Variants in SNX29 observed in about 807,000 individuals in gnomAD.
SNX29 encodes the protein sorting nexin 29.
SNX29 carries 78 observed loss-of-function variants against 102.1 expected under a neutral mutation model. That is an observed-to-expected ratio of 0.76 (90% confidence interval 0.64 to 0.92). The LOEUF is 0.92. SNX29 is among the 40% of genes least tolerant of loss of function. The pLI is 0.00. For synonymous variants in SNX29, 580 were observed against 414.5 expected, an observed-to-expected ratio of 1.40 and a Z score of -4.85; for missense variants, 1,280 against 1,061.7, an observed-to-expected ratio of 1.21 and a Z score of -2.86.
chr16:12,461,978 AATAT>A (rs71139595), intron 18 of SNX29, among the ~76,000 whole-genome samples: 394 of 27,328 alleles, frequency 0.014, 10 homozygotes, highest in Middle Eastern at 0.038. Context: ...AAAAAAAAAA[AATAT>A]ATATATATAT....
intron 3 of SNX29, among the ~76,000 whole-genome samples, chr16:12,017,293 C>T (rs1408161684): frequency 2.0e-5 from 3 of 152,166 alleles, no homozygotes; most frequent in African/African-American, 7.2e-5. Context: ...ACTATACTTT[C>T]TTGGGCTATT....
intron 20 of SNX29, among the ~76,000 whole-genome samples, chr16:12,554,893 G>A (rs1244683260): frequency 2.0e-5 from 3 of 152,158 alleles, no homozygotes; most frequent in Non-Finnish European, 2.9e-5. Context: ...ATGCCATACA[G>A]GACAGGCAGT....
intron 14 of SNX29, among the ~76,000 whole-genome samples, chr16:12,204,722 T>C (rs2077002381): frequency 1.3e-5 from 2 of 152,262 alleles, no homozygotes; most frequent in East Asian, 1.9e-4. Context: ...AAGCAAAAAA[T>C]TGGGAAGTCA....
At chr16:12,387,296 C>T (rs945980707) in intron 16 of SNX29, among the ~76,000 whole-genome samples, 4 of 152,046 alleles carry the variant, frequency 2.6e-5, no homozygotes, top group Non-Finnish European at 4.4e-5. Context: ...TAGGAGAGGC[C>T]GAGAGAGAAG....
chr16:12,347,701 C>T (rs894361122), intron 15 of SNX29, among the ~76,000 whole-genome samples: 1 of 152,106 alleles, frequency 6.6e-6, no homozygotes, highest in South Asian at 2.1e-4. Context: ...GTACTGGTGA[C>T]TGCCCGAGAA....
chr16:12,507,250 C>T (rs909483755), intron 19 of SNX29, among the ~76,000 whole-genome samples: 10 of 152,234 alleles, frequency 6.6e-5, no homozygotes, highest in African/African-American at 2.4e-4. Flanking sequence ...CATCAAAGCA[C>T]TTAGCACGGT....
At chr16:12,215,490 C>A (rs967958037) in intron 14 of SNX29, among the ~76,000 whole-genome samples, 3 of 152,072 alleles carry the variant, frequency 2.0e-5, no homozygotes, top group Non-Finnish European at 4.4e-5. Context: ...GTGAGTAATA[C>A]TCTATATCTA....
chr16:12,263,842 G>A (rs1278814127), intron 14 of SNX29, among the ~76,000 whole-genome samples: 2 of 152,202 alleles, frequency 1.3e-5, no homozygotes, highest in Admixed American at 1.3e-4. Context: ...GAAGGAATGA[G>A]AGTCCAATTT....
chr16:12,186,379 C>A (rs537284752), intron 13 of SNX29, among the ~76,000 whole-genome samples: 6 of 152,204 alleles, frequency 3.9e-5, no homozygotes, highest in African/African-American at 1.4e-4. Flanking sequence ...CTCTGTGTAT[C>A]CATACAAACT....
chr16:12,532,423 C>T (rs901973432), intron 20 of SNX29, among the ~76,000 whole-genome samples: 3 of 152,056 alleles, frequency 2.0e-5, no homozygotes, highest in Non-Finnish European at 4.4e-5. Context: ...TCTAGGCTGT[C>T]GTGTTTTGTA....
At chr16:12,567,579 G>C (rs559115383) in intron 20 of SNX29, among the ~76,000 whole-genome samples, 4 of 152,152 alleles carry the variant, frequency 2.6e-5, no homozygotes, top group South Asian at 2.1e-4. Context: ...AGACCAGCCT[G>C]GACAAGAGCA....
At chr16:12,194,303 A>G (rs2076716533) in intron 13 of SNX29, among the ~76,000 whole-genome samples, 1 of 152,230 alleles carries the variant, frequency 6.6e-6, no homozygotes, top group South Asian at 2.1e-4. Context: ...GTTAGTGTAT[A>G]GAAATACAGT....
At chr16:12,047,072 T>G (rs1488937260) in intron 6 of SNX29, among the ~76,000 whole-genome samples, 1 of 152,232 alleles carries the variant, frequency 6.6e-6, no homozygotes, top group Non-Finnish European at 1.5e-5. Context: ...CCTTGCTACC[T>G]GGTGACCTGG....
chr16:12,279,082 G>A (rs76097580), intron 15 of SNX29, among the ~76,000 whole-genome samples: 2,867 of 152,264 alleles, frequency 0.019, 110 homozygotes, highest in African/African-American at 0.066. Flanking sequence ...TGTTGTAATG[G>A]TCCCTTGGTG....
chr16:12,431,867 T>C (rs532451815), intron 18 of SNX29, among the ~76,000 whole-genome samples: 9 of 152,326 alleles, frequency 5.9e-5, no homozygotes, highest in African/African-American at 2.2e-4. Flanking sequence ...ATTTGTTCTT[T>C]CATTCATTCT....
intron 11 of SNX29, among the ~76,000 whole-genome samples, chr16:12,123,729 G>GA (rs2054080661): frequency 6.6e-6 from 1 of 151,556 alleles, no homozygotes; most frequent in African/African-American, 2.4e-5. Flanking sequence ...GAAGAAGGCT[G>GA]AGAGTGGGGC....
At chr16:12,347,662 T>C (rs897686531) in intron 15 of SNX29, among the ~76,000 whole-genome samples, 6 of 152,190 alleles carry the variant, frequency 3.9e-5, no homozygotes, top group African/African-American at 1.2e-4. Context: ...AGGTGCTCAT[T>C]CTGTTACATC....
chr16:12,169,263 C>G (rs2076089498), intron 13 of SNX29, among the ~76,000 whole-genome samples: 1 of 152,216 alleles, frequency 6.6e-6, no homozygotes, highest in Non-Finnish European at 1.5e-5. Context: ...AGCCCCAGTT[C>G]TAGGGAGGGT....
intron 14 of SNX29, among the ~76,000 whole-genome samples, chr16:12,215,718 C>T (rs12930378): frequency 6.6e-6 from 1 of 152,112 alleles, no homozygotes; most frequent in Non-Finnish European, 1.5e-5. Context: ...TCAGCTTGCA[C>T]AGCTTCCCCT....
Sources: allele counts gnomAD v4.1 joint callset (sites outside exome capture counted in the v4.1 genomes callset), GRCh38; gene constraint gnomAD v4.1.1; transcripts MANE v1.5; gene names NCBI Gene and HGNC (gene_info 2026-07-23, HGNC 2026-07-21).